Variants in SLC26A8 observed in about 807,000 individuals in gnomAD.
SLC26A8 encodes the protein solute carrier family 26 member 8.
In SLC26A8, 70 loss-of-function variants were observed where a neutral mutation model predicts 105.0. The observed-to-expected ratio is 0.67, with a 90% CI of 0.55 to 0.81. The LOEUF (loss-of-function observed/expected upper bound fraction) is 0.81. Among genes scored for constraint, SLC26A8 ranks in the 40% least tolerant of loss-of-function variants. SLC26A8 has a pLI of 0.00. For missense variants in SLC26A8, 998 were observed against 1,181.8 expected, an observed-to-expected ratio of 0.84 and a Z score of 2.28; for synonymous variants, 415 against 438.3, an observed-to-expected ratio of 0.95 and a Z score of 0.66.
At chr6:36,017,556 T>G (rs183025463) in intron 2 of SLC26A8, among the ~76,000 whole-genome samples, 6 of 152,174 alleles carry the variant, frequency 3.9e-5, no homozygotes, top group African/African-American at 1.4e-4. Flanking sequence ...TGCTCGAACC[T>G]GGGAGGCAGG....
chr6:36,008,563 T>C (rs780384880), intron 3 of SLC26A8, among the ~76,000 whole-genome samples: 1 of 152,196 alleles, frequency 6.6e-6, no homozygotes, highest in Non-Finnish European at 1.5e-5. Context: ...AAACTTTTGC[T>C]CTGGAAGACT....
intron 16 of SLC26A8, among the ~76,000 whole-genome samples, chr6:35,955,724 T>G (rs1772035199): frequency 6.6e-6 from 1 of 152,154 alleles, no homozygotes; most frequent in African/African-American, 2.4e-5. Context: ...TTTCCTCATC[T>G]TCACCACCCA....
chr6:35,968,772 G>GTCC, intron 11 of SLC26A8, 105 bp downstream of exon 11: 1 of 103,686 alleles, frequency 9.6e-6, no homozygotes, highest in Non-Finnish European at 2.0e-5. Context: ...CCTCGGAGAT[G>GTCC]CCCGCCCCCC....
chr6:36,012,637 A>C (rs1362692028), intron 2 of SLC26A8, among the ~76,000 whole-genome samples: 1 of 152,198 alleles, frequency 6.6e-6, no homozygotes, highest in Non-Finnish European at 1.5e-5. Context: ...TAACAATAAC[A>C]ATGTCTCCAG....
intron 6 of SLC26A8, 89 bp from the exon 7 acceptor site, chr6:35,991,897 A>T: frequency 3.1e-6 from 4 of 1,281,848 alleles, no homozygotes; most frequent in Middle Eastern, 2.7e-4. Flanking sequence ...ACCCAAAAAG[A>T]AGTCCCCAAG....
intron 1 of SLC26A8, 21 bp downstream of exon 1, chr6:36,024,483 C>G (rs1372810477): frequency 2.2e-6 from 1 of 448,186 alleles, no homozygotes; most frequent in Non-Finnish European, 4.5e-6. Flanking sequence ...GGCGCCCAGG[C>G]GTCTCCCAGC....
chr6:35,962,947 G>A (rs1422952955), intron 11 of SLC26A8, among the ~76,000 whole-genome samples: 1 of 152,120 alleles, frequency 6.6e-6, no homozygotes, highest in African/African-American at 2.4e-5. Flanking sequence ...GGGACTACGT[G>A]CCATCACTCA....
chr6:36,019,347 C>T (rs144558422), intron 2 of SLC26A8, among the ~76,000 whole-genome samples, 173 bp downstream of exon 2: 57 of 152,204 alleles, frequency 3.7e-4, no homozygotes, highest in Non-Finnish European at 5.6e-4. Flanking sequence ...AGTTTACAAT[C>T]GAAAAGGTAC....
chr6:35,946,061 A>G (rs935481694), intron 19 of SLC26A8, among the ~76,000 whole-genome samples: 5 of 151,992 alleles, frequency 3.3e-5, no homozygotes, highest in Non-Finnish European at 5.9e-5. Context: ...TCTCTTGTCT[A>G]TCTATGCTCT....
chr6:35,952,269 C>G (rs991565101), intron 17 of SLC26A8, among the ~76,000 whole-genome samples: 5 of 152,140 alleles, frequency 3.3e-5, no homozygotes, highest in African/African-American at 1.2e-4. Context: ...AGATGTGGCT[C>G]AGAGACGCTC....
At chr6:35,975,576 TATGAAGATAGGG>T in intron 9 of SLC26A8, 88 bp from the exon 10 acceptor site, 1 of 682,864 alleles carries the variant, frequency 1.5e-6, no homozygotes, top group Non-Finnish European at 2.5e-6. Flanking sequence ...TTTTTTTTTA[TATGAAGATAGGG>T]TTGTTTGCAT....
chr6:35,963,480 A>G (rs1374598554), intron 11 of SLC26A8, among the ~76,000 whole-genome samples: 1 of 152,202 alleles, frequency 6.6e-6, no homozygotes, highest in East Asian at 1.9e-4. Context: ...GAGGCGCCTC[A>G]CTGCATCCTT....
At chr6:35,947,344 AT>A (rs780212795) in intron 19 of SLC26A8, among the ~76,000 whole-genome samples, 2 of 152,132 alleles carry the variant, frequency 1.3e-5, no homozygotes, top group Non-Finnish European at 2.9e-5. Context: ...ACTAGTCTTA[AT>A]AGAGACACAC....
At chr6:35,960,490 T>A in intron 14 of SLC26A8, 1 of 223,544 alleles carries the variant, frequency 4.5e-6, no homozygotes. Flanking sequence ...ACCCTGTCTT[T>A]ACTAAAATAC....
chr6:35,945,178 T>A (rs182401160), intron 19 of SLC26A8, among the ~76,000 whole-genome samples: 29 of 152,342 alleles, frequency 1.9e-4, no homozygotes, highest in South Asian at 2.1e-4. Flanking sequence ...AAATTTTTTT[T>A]AATTTTCTTT....
At chr6:35,976,546 C>G (rs950249921) in intron 9 of SLC26A8, among the ~76,000 whole-genome samples, 2 of 145,040 alleles carry the variant, frequency 1.4e-5, no homozygotes, top group Non-Finnish European at 3.0e-5. Flanking sequence ...ATTAGAAGCC[C>G]TCGCTTTTTT....
intron 7 of SLC26A8, among the ~76,000 whole-genome samples, chr6:35,982,884 CCT>C (rs1773336058): frequency 6.6e-6 from 1 of 152,278 alleles, no homozygotes; most frequent in African/African-American, 2.4e-5. Context: ...GCTTTTCCCC[CCT>C]TTCACTTACT....
intron 1 of SLC26A8, among the ~76,000 whole-genome samples, chr6:36,022,594 G>C (rs1446841167): frequency 1.3e-5 from 2 of 152,130 alleles, no homozygotes; most frequent in African/African-American, 4.8e-5. Flanking sequence ...ATTAATATTA[G>C]TCTAGGAGAT....
At chr6:35,992,143 T>C (rs895929526) in intron 6 of SLC26A8, among the ~76,000 whole-genome samples, 1 of 152,252 alleles carries the variant, frequency 6.6e-6, no homozygotes, top group Admixed American at 6.5e-5. Context: ...TTCTTACATT[T>C]AGGAACTACT....
Sources: gnomAD v4.1 joint callset for allele counts (sites outside exome capture counted in the v4.1 genomes callset) on GRCh38, gnomAD v4.1.1 for gene constraint, MANE v1.5 for transcripts, NCBI Gene and HGNC (gene_info 2026-07-23, HGNC 2026-07-21) for gene names.